The following PCDHGB2 variants were observed in gnomAD, a reference collection of about 807,000 sequenced individuals.
PCDHGB2 encodes the protein protocadherin gamma-B2.
A neutral mutation model predicts 59.3 loss-of-function variants in PCDHGB2; 55 were observed. The observed-to-expected ratio is 0.93, with a 90% CI of 0.75 to 1.16. PCDHGB2 has a LOEUF of 1.16. Among genes scored for constraint, PCDHGB2 ranks in the 50% most tolerant of loss-of-function variants. The pLI is 0.00. For synonymous variants in PCDHGB2, 516 were observed against 512.0 expected (o/e 1.01, Z -0.11); for missense variants, 1,228 against 1,198.5 (o/e 1.02, Z -0.36).
rs1011341002 is a variant in PCDHGB2, at chr5:141,476,141, G to T, written c.2422-18666G>T. 1 of 1,610,048 alleles carries T rather than the reference G, an allele frequency of 6.2e-7. No individual in the cohort carries two copies. The highest frequency in any genetic ancestry group is 2.2e-5 in the East Asian group (1 of 44,844). On this transcript the variant is annotated intron_variant, in intron 1 of 3. Coordinates refer to ENST00000522605, the MANE Select transcript of PCDHGB2 (RefSeq NM_018923.3). The surrounding 1 kb of genome is among the most constrained non-coding windows in gnomAD (Gnocchi z 7.6). ...GATGGTCCCAGAGGCCTGGAGGAGC[G>T]GACTGGTAAGCACCGGGAGGGTAGT...
intron 1 of PCDHGB2, among the ~76,000 whole-genome samples, chr5:141,452,947 G>C (rs2098752833): frequency 6.6e-6 from 1 of 152,144 alleles, no homozygotes; most frequent in Non-Finnish European, 1.5e-5. Flanking sequence ...GCTTGCAATT[G>C]GTTGTCTTTA....
At chr5:141,399,684 G>T in intron 1 of PCDHGB2, 1 of 1,613,538 alleles carries the variant, frequency 6.2e-7, no homozygotes, top group Non-Finnish European at 8.5e-7. Context: ...TTGACTACGA[G>T]CAGCTGCGCA....
intron 1 of PCDHGB2, among the ~76,000 whole-genome samples, chr5:141,464,139 C>T (rs1200161549): frequency 6.6e-6 from 1 of 151,928 alleles, no homozygotes; most frequent in Admixed American, 6.6e-5. Flanking sequence ...GTGGTGGGCG[C>T]CTGTAGTCCC....
intron 1 of PCDHGB2, chr5:141,441,986 C>G (rs2098288559): frequency 7.4e-6 from 2 of 269,216 alleles, no homozygotes; most frequent in Non-Finnish European, 1.5e-5. Flanking sequence ...GAATGCGCAC[C>G]GACGAGGTGC....
Position 141,431,388 on chromosome 5 carries a change from T to G in PCDHGB2, c.2422-63419T>G. 1 of 1,613,920 alleles carries G rather than the reference T, an allele frequency of 6.2e-7. No individual in the cohort carries two copies. The highest frequency in any genetic ancestry group is 8.5e-7 in the Non-Finnish European group (1 of 1,180,038). ...CGCGAAGAAAAGGCTGCTCACCACC[T>G]GGTCCTTACGGCCTCCGACGGGGGC... On this transcript the variant is annotated intron_variant, in intron 1 of 3. Transcript: ENST00000522605. The surrounding 1 kb of genome is among the most constrained non-coding windows in gnomAD (Gnocchi z 4.8).
At chr5:141,396,826 T>C (rs2150684125) in intron 1 of PCDHGB2, among the ~76,000 whole-genome samples, 1 of 152,342 alleles carries the variant, frequency 6.6e-6, no homozygotes, top group South Asian at 2.1e-4. Flanking sequence ...ATGGTGCATA[T>C]TCAGTGGAGT....
At chr5:141,430,837 C>G (rs1350348914) in intron 1 of PCDHGB2, 1 of 1,560,074 alleles carries the variant, frequency 6.4e-7, no homozygotes, top group Non-Finnish European at 8.6e-7. Context: ...TGTGGGAGAC[C>G]GGATGCACCC....
At chr5:141,441,818 TG>T in intron 1 of PCDHGB2, 1 of 359,922 alleles carries the variant, frequency 2.8e-6, no homozygotes, top group Non-Finnish European at 5.5e-6. Flanking sequence ...ACCCCAGCTC[TG>T]GAGCGCAATG....
At chr5:141,412,815 A>G (rs2095578958) in intron 1 of PCDHGB2, among the ~76,000 whole-genome samples, 1 of 152,328 alleles carries the variant, frequency 6.6e-6, no homozygotes, top group Non-Finnish European at 1.5e-5. Flanking sequence ...AGAAACCTAC[A>G]TATAGTAAAT....
intron 2 of PCDHGB2, among the ~76,000 whole-genome samples, chr5:141,496,097 A>C (rs1329818315): frequency 6.6e-6 from 1 of 151,148 alleles, no homozygotes; most frequent in Non-Finnish European, 1.5e-5. Context: ...CCACCCACCA[A>C]CACCCCGCTC....
chr5:141,485,511 C>G lies in PCDHGB2; in HGVS notation c.2422-9296C>G, dbSNP rs1168331122. The G allele has an allele frequency of 1.2e-6, 2 of 1,614,042 alleles. No individual in the cohort carries two copies. Among genetic ancestry groups the G allele is most frequent in the Non-Finnish European group, 1.7e-6 (2 of 1,180,038 alleles). On this transcript the variant is annotated intron_variant, in intron 1 of 3. Transcript: ENST00000522605. The surrounding 1 kb of genome is among the most constrained non-coding windows in gnomAD (Gnocchi z 5.7). Reference sequence around the variant, plus strand: ...CCCCTGGAGTTTGTCACCGAAGGTCCTTTGGAAATGTACCGAGCAGAGGTA... The same window carrying G: ...CCCCTGGAGTTTGTCACCGAAGGTCGTTTGGAAATGTACCGAGCAGAGGTA...
At chr5:141,500,959 C>T (rs2099804326) in intron 2 of PCDHGB2, among the ~76,000 whole-genome samples, 1 of 152,022 alleles carries the variant, frequency 6.6e-6, no homozygotes, top group South Asian at 2.1e-4. Flanking sequence ...AGCTCCACCT[C>T]CTGGGTTCAA....
At chr5:141,456,899 G>T (rs1592472053) in intron 1 of PCDHGB2, among the ~76,000 whole-genome samples, 1 of 152,212 alleles carries the variant, frequency 6.6e-6, no homozygotes, top group East Asian at 1.9e-4. Context: ...GGAGGCAGAG[G>T]TTGCAGTGAG....
At chr5:141,504,483 AGGCACC>A (rs2099838618) in intron 2 of PCDHGB2, among the ~76,000 whole-genome samples, 1 of 151,954 alleles carries the variant, frequency 6.6e-6, no homozygotes, top group Non-Finnish European at 1.5e-5. Flanking sequence ...AGTACAGTGG[AGGCACC>A]TGCCCAGTCT....
chr5:141,454,580 ATT>A (rs1392342692), intron 1 of PCDHGB2, among the ~76,000 whole-genome samples: 2 of 151,234 alleles, frequency 1.3e-5, no homozygotes, highest in Non-Finnish European at 2.9e-5. Context: ...CTAATTTTGT[ATT>A]TTTAGTAGAG....
rs909444391 is a variant in PCDHGB2 at position 141,450,834 on chromosome 5, T to A, written c.2422-43973T>A. On this transcript the variant is annotated intron_variant, in intron 1 of 3. Transcript: ENST00000522605. ...TATTTAATATTATTATTATTATTTT[T>A]TTTTTTTTGAGATGGGGTCTTGCTC... is the stretch of plus-strand genomic sequence containing the variant. 1.2e-3 allele frequency among the ~76,000 whole-genome samples: 172 copies of A among 148,764 alleles called. 3 individuals are homozygous for A. The highest frequency in any genetic ancestry group is 4.1e-3 in the African/African-American group (166 of 40,236).
At chr5:141,383,991 A>C in intron 1 of PCDHGB2, 1 of 1,613,866 alleles carries the variant, frequency 6.2e-7, no homozygotes, top group Non-Finnish European at 8.5e-7. Flanking sequence ...CTCTTGGGAC[A>C]GTCATTGCTC....
At chr5:141,403,150 C>G (rs1420317278) in intron 1 of PCDHGB2, 2 of 1,614,046 alleles carry the variant, frequency 1.2e-6, no homozygotes, top group Non-Finnish European at 1.7e-6. Flanking sequence ...GAGTCCGCAT[C>G]GTCTCTAGAG....
Position 141,489,515 on chromosome 5 carries a change from G to C in PCDHGB2, c.2422-5292G>C, listed in dbSNP as rs983415025. On this transcript the variant is annotated intron_variant, in intron 1 of 3. Coordinates refer to ENST00000522605, the MANE Select transcript of PCDHGB2 (RefSeq NM_018923.3). The surrounding 1 kb of genome is among the most constrained non-coding windows in gnomAD (Gnocchi z 4.5). ...CTGGCAGTGAATCAAAAGATTGACC[G>C]AGAAAGCCTATGTGGAGCCAGCACC... 1 of 1,614,104 alleles carries C rather than the reference G, an allele frequency of 6.2e-7. No individual in the cohort carries two copies. The highest frequency in any genetic ancestry group is 8.5e-7 in the Non-Finnish European group (1 of 1,180,034).
Sources: gnomAD v4.1 joint callset for allele counts (sites outside exome capture counted in the v4.1 genomes callset) on GRCh38, gnomAD v4.1.1 for gene constraint, Gnocchi (gnomAD v3.1) non-coding constraint, MANE v1.5 for transcripts, NCBI Gene and HGNC (gene_info 2026-07-23, HGNC 2026-07-21) for gene names.